The following LEO1 variants were observed in gnomAD, a reference collection of about 807,000 sequenced individuals.
LEO1 encodes LEO1 component of Paf1/RNA polymerase II complex, also known as RNA polymerase-associated protein LEO1.
A neutral mutation model predicts 80.4 loss-of-function variants in LEO1; 34 were observed. That is an observed-to-expected ratio of 0.42 (90% CI 0.32 to 0.56). The LOEUF is 0.56. Among genes scored for constraint, LEO1 ranks in the 20% least tolerant of loss-of-function variants. The probability of loss-of-function intolerance (pLI) is 0.10; values close to 1 mark genes in which losing one functional copy is unlikely to be tolerated. For missense variants in LEO1, 631 were observed against 814.2 expected, an observed-to-expected ratio of 0.77 and a Z score of 2.74; for synonymous variants, 262 against 274.9, an observed-to-expected ratio of 0.95 and a Z score of 0.46.
chr15:51,950,161 T>A (rs913648807), intron 9 of LEO1, among the ~76,000 whole-genome samples, 167 bp from the exon 10 acceptor site: 1 of 152,172 alleles, frequency 6.6e-6, no homozygotes, highest in Non-Finnish European at 1.5e-5. Flanking sequence ...CTGGTTTGGT[T>A]TGCAGGAGCA....
chr15:51,939,057 C>T (rs1399816815), intron 11 of LEO1, among the ~76,000 whole-genome samples: 5 of 152,040 alleles, frequency 3.3e-5, no homozygotes, highest in Non-Finnish European at 5.9e-5. Context: ...TGGTGGCGCA[C>T]GCCTGTAATC....
At chr15:51,963,411 T>A (rs551708722) in intron 2 of LEO1, among the ~76,000 whole-genome samples, 38 of 152,252 alleles carry the variant, frequency 2.5e-4, no homozygotes, top group African/African-American at 9.1e-4. Context: ...CTGACAAATA[T>A]ATCATTATTT....
chr15:51,947,794 C>T lies in LEO1; in HGVS notation c.1799-405G>A, dbSNP rs990782006. ...TTCTTCTGATAAATATCTTTAGTTCCCTCTGTATATTTCCTCCCAGGGGAA... is the reference window on the plus strand; with the variant it reads ...TTCTTCTGATAAATATCTTTAGTTCTCTCTGTATATTTCCTCCCAGGGGAA... On this transcript the variant is annotated intron_variant, in intron 10 of 11. Coordinates refer to ENST00000299601, the MANE Select transcript of LEO1 (RefSeq NM_138792.4). Among the ~76,000 whole-genome samples, 3 of 152,228 alleles carry T rather than the reference C, an allele frequency of 2.0e-5. No individual in the cohort carries two copies. In the East Asian group the frequency reaches 5.8e-4, roughly 29 times the overall value.
At chr15:51,943,824 A>T (rs1376097018) in intron 11 of LEO1, among the ~76,000 whole-genome samples, 1 of 151,460 alleles carries the variant, frequency 6.6e-6, no homozygotes, top group Non-Finnish European at 1.5e-5. Context: ...TTACACTGAA[A>T]GGGTAACTGA....
intron 8 of LEO1, 69 bp downstream of exon 8, chr15:51,953,060 C>A: frequency 1.6e-6 from 2 of 1,288,492 alleles, no homozygotes; most frequent in Non-Finnish European, 2.2e-6. Context: ...AGGTGGCAGG[C>A]ATTACAGAAA....
At chr15:51,967,135 A>G (rs1348748095) in intron 1 of LEO1, among the ~76,000 whole-genome samples, 2 of 152,156 alleles carry the variant, frequency 1.3e-5, no homozygotes, top group Non-Finnish European at 2.9e-5. Flanking sequence ...ATGTATGCAT[A>G]ATGGAGTCTC....
In LEO1 at chr15:51,953,283, A is replaced by C; in HGVS notation, c.1341-20T>G. 1.2e-6 allele frequency: 2 copies of C among 1,611,844 alleles called. No homozygotes were observed. The highest frequency in any genetic ancestry group is 1.7e-6 in the Non-Finnish European group (2 of 1,179,076). ...GACATGCTGGAAAGAGAAACATTTC[A>C]TCTATTAAAGTCATAAAGCTTTCAC... On this transcript the variant is annotated intron_variant, in intron 7 of 11. Coordinates refer to ENST00000299601, the MANE Select transcript of LEO1 (RefSeq NM_138792.4).
At chr15:51,939,647 A>T (rs1180049812) in intron 11 of LEO1, among the ~76,000 whole-genome samples, 2 of 152,258 alleles carry the variant, frequency 1.3e-5, no homozygotes, top group Non-Finnish European at 2.9e-5. Context: ...GAGCACATTC[A>T]ATCACACTAC....
chr15:51,971,341 C>CT (rs2057121096), intron 1 of LEO1, among the ~76,000 whole-genome samples: 1 of 152,196 alleles, frequency 6.6e-6, no homozygotes, highest in Non-Finnish European at 1.5e-5. Flanking sequence ...AAAAACAGCC[C>CT]TTACTCTACG....
chr15:51,947,155 C>A, intron 11 of LEO1, 137 bp downstream of exon 11: 1 of 709,868 alleles, frequency 1.4e-6, no homozygotes, highest in Non-Finnish European at 2.5e-6. Context: ...TGTCTTGTTA[C>A]TGCATTTATC....
chr15:51,942,064 A>G (rs2056857352), intron 11 of LEO1, among the ~76,000 whole-genome samples: 1 of 152,208 alleles, frequency 6.6e-6, no homozygotes, highest in African/African-American at 2.4e-5. Context: ...TTAATCTCAG[A>G]GGCATACCTA....
Position 51,971,682 on chromosome 15 carries a change from A to ACC in LEO1, c.58+4_58+5dup. The stretch of plus-strand genomic sequence containing the variant: ...GCACCCATCCTCCGAAGACCAGCGA[A>ACC]CCCACCTTTACGCTCAGCTTCGCTG... On this transcript the variant is annotated splice_donor_region_variant and intron_variant, in intron 1 of 11. Transcript: ENST00000299601. The ACC allele has an allele frequency of 6.2e-7, 1 of 1,614,058 alleles. No homozygotes were observed. The highest frequency in any genetic ancestry group is 8.5e-7 in the Non-Finnish European group (1 of 1,179,982).
chr15:51,960,998 C>T (rs1488556313), intron 3 of LEO1, among the ~76,000 whole-genome samples: 1 of 152,164 alleles, frequency 6.6e-6, no homozygotes, highest in Non-Finnish European at 1.5e-5. Flanking sequence ...CCTTTATTCC[C>T]CAGGAGCCCA....
chr15:51,941,254 A>G (rs2056849974), intron 11 of LEO1, among the ~76,000 whole-genome samples: 1 of 152,202 alleles, frequency 6.6e-6, no homozygotes, highest in African/African-American at 2.4e-5. Context: ...CATAACTGCA[A>G]CAGATCCCAG....
chr15:51,939,977 C>G (rs1437467111), intron 11 of LEO1, among the ~76,000 whole-genome samples: 2 of 152,138 alleles, frequency 1.3e-5, no homozygotes, highest in Non-Finnish European at 2.9e-5. Flanking sequence ...AAGGACCGGC[C>G]GGGCGCGATG....
chr15:51,963,569 A>G (rs1280070775), intron 2 of LEO1, among the ~76,000 whole-genome samples: 3 of 152,280 alleles, frequency 2.0e-5, no homozygotes, highest in East Asian at 3.9e-4. Flanking sequence ...GGGATGTAGT[A>G]CATGAGCCTT....
chr15:51,965,966 A>T lies in LEO1; in HGVS notation c.597T>A (p.Asp199Glu). 1.2e-6 allele frequency: 2 copies of T among 1,613,964 alleles called. No homozygotes were observed. The highest frequency in any genetic ancestry group is 1.7e-6 in the Non-Finnish European group (2 of 1,179,896). ...CCTCCTCAGATAGCTGTTGTCTCTC[A>T]TCATCGGAAAGCTGAGGCCTCTCCT... is the stretch of plus-strand genomic sequence containing the variant. ...DDEERPQLSD[D>E]ERQQLSEEEK... is the part of the protein sequence containing the mutation. The change falls in exon 2 of 12, where the codon GAT becomes GAA. Residue 199 changes from aspartate to glutamate, a missense_variant. Physicochemically the swap from Asp to Glu is conservative, Grantham distance 45 (BLOSUM62 2). Transcript: ENST00000299601.
At position 51,938,026 on chromosome 15, in the gene LEO1, T is replaced by G; in HGVS notation, c.*130A>C. 3.4e-6 allele frequency: 2 copies of G among 586,988 alleles called. No individual in the cohort carries two copies. Among genetic ancestry groups the G allele is most frequent in the Non-Finnish European group, 2.9e-6 (1 of 348,628 alleles). 36.4% of individuals were successfully genotyped at this position (586,988 alleles called of 1,614,324 possible). A position where few individuals can be genotyped will look rare whatever the true frequency, so the allele number is the denominator to read the frequency against. ...AGTAGATTTCTTAAACATAGAGACT[T>G]GCTTTTAAATTGTTTTATTACAATT... On this transcript the variant is annotated 3_prime_UTR_variant, in exon 12 of 12. Transcript: ENST00000299601.
chr15:51,948,941 G>A (rs2056924857), intron 10 of LEO1, among the ~76,000 whole-genome samples: 1 of 152,232 alleles, frequency 6.6e-6, no homozygotes, highest in Admixed American at 6.5e-5. Context: ...GAACTGACCA[G>A]TTAGCAACTA....
Sources: gnomAD v4.1 joint callset for allele counts (sites outside exome capture counted in the v4.1 genomes callset) on GRCh38, gnomAD v4.1.1 for gene constraint, MANE v1.5 for transcripts, NCBI Gene and HGNC (gene_info 2026-07-23, HGNC 2026-07-21) for gene names.